The following PRR16 variants were observed in gnomAD, a reference collection of about 807,000 sequenced individuals.
PRR16 encodes protein Largen.
A neutral mutation model predicts 18.2 loss-of-function variants in PRR16; 6 were observed. The observed-to-expected ratio is 0.33, with a 90% CI of 0.18 to 0.65. PRR16 has a LOEUF of 0.65. Ranked by LOEUF, PRR16 falls within the 30% of genes least tolerant of loss-of-function variation. PRR16 has a pLI of 0.74. For missense variants in PRR16, 412 were observed against 376.6 expected (o/e 1.09, Z -0.78); for synonymous variants, 151 against 147.8 (o/e 1.02, Z -0.16).
intron 1 of PRR16, among the ~76,000 whole-genome samples, chr5:120,621,251 T>C (rs1754680320): frequency 1.3e-5 from 2 of 152,128 alleles, no homozygotes. Context: ...TTTTGAAATA[T>C]AAAGGGATTC....
rs528516274 is a variant in PRR16 at position 120,624,906 on chromosome 5, G to A, written c.160-61048G>A. On this transcript the variant is annotated intron_variant, in intron 1 of 1. Transcript: ENST00000407149. The stretch of plus-strand genomic sequence containing the variant: ...ATGAATAAGTCTCATGAGATCTGAT[G>A]GTTTTAAAAAGGAGAGGTTCCCTGC... Among the ~76,000 whole-genome samples, 180 of 152,128 alleles carry A rather than the reference G, an allele frequency of 1.2e-3. 3 individuals carry two copies. Among genetic ancestry groups the A allele is most frequent in the Admixed American group, 4.5e-3 (68 of 15,266 alleles).
chr5:120,785,063 A>G, the PRR16 span, among the ~76,000 whole-genome samples: 1 of 152,234 alleles, frequency 6.6e-6, no homozygotes, highest in African/African-American at 2.4e-5. Context: ...AACATCCAGT[A>G]GTTGTAGGCT....
At chr5:120,695,732 C>T in the PRR16 span, among the ~76,000 whole-genome samples, 6 of 152,096 alleles carry the variant, frequency 3.9e-5, no homozygotes, top group Non-Finnish European at 8.8e-5. Context: ...CCCAATCTAG[C>T]GACCCCAATA....
the PRR16 span, among the ~76,000 whole-genome samples, chr5:120,794,439 C>A: frequency 1.3e-5 from 2 of 152,178 alleles, no homozygotes; most frequent in East Asian, 3.9e-4. Context: ...CAAGCATATG[C>A]ATCATTAGTA....
chr5:120,635,266 T>C (rs1406762441), intron 1 of PRR16, among the ~76,000 whole-genome samples: 2 of 152,130 alleles, frequency 1.3e-5, no homozygotes, highest in Admixed American at 6.5e-5. Context: ...AATCATTTTA[T>C]GAAGCCAATA....
chr5:120,698,064 A>G, the PRR16 span, among the ~76,000 whole-genome samples: 1 of 152,148 alleles, frequency 6.6e-6, no homozygotes, highest in Non-Finnish European at 1.5e-5. Context: ...AATAAGAAAA[A>G]TAAAACAAAA....
intron 1 of PRR16, among the ~76,000 whole-genome samples, chr5:120,520,901 C>CT (rs552236332): frequency 4.5e-4 from 66 of 145,754 alleles, no homozygotes; most frequent in Admixed American, 1.4e-3. Context: ...GGAAACATTA[C>CT]TTTTTTTTTT....
chr5:120,472,867 C>T (rs750587322), intron 1 of PRR16, among the ~76,000 whole-genome samples: 2 of 152,006 alleles, frequency 1.3e-5, no homozygotes, highest in Non-Finnish European at 2.9e-5. Context: ...TTCATTTTGT[C>T]GTTTCTTATG....
chr5:120,696,642 A>C, the PRR16 span, among the ~76,000 whole-genome samples: 11 of 152,220 alleles, frequency 7.2e-5, no homozygotes, highest in Non-Finnish European at 1.5e-4. Flanking sequence ...TTCTCTAGAG[A>C]AGATGGACTG....
At chr5:120,772,966 C>T in the PRR16 span, among the ~76,000 whole-genome samples, 3 of 152,026 alleles carry the variant, frequency 2.0e-5, no homozygotes, top group Admixed American at 6.6e-5. Context: ...ATCTTTGTAC[C>T]TCTTTCACCC....
chr5:120,680,235 C>T (rs1269669287), intron 1 of PRR16, among the ~76,000 whole-genome samples: 1 of 152,092 alleles, frequency 6.6e-6, no homozygotes, highest in Admixed American at 6.5e-5. Context: ...CTGTCTCCTT[C>T]TCTGAATTTG....
intron 1 of PRR16, among the ~76,000 whole-genome samples, chr5:120,569,739 G>A (rs1017681126): frequency 2.0e-5 from 3 of 152,120 alleles, no homozygotes. Context: ...GAATAAAGCT[G>A]GGATTTGAAG....
intron 1 of PRR16, among the ~76,000 whole-genome samples, chr5:120,631,358 A>G (rs964207753): frequency 6.6e-6 from 1 of 152,126 alleles, no homozygotes; most frequent in African/African-American, 2.4e-5. Context: ...GAAGGACTGG[A>G]TCACCACTGC....
intron 1 of PRR16, among the ~76,000 whole-genome samples, chr5:120,513,017 C>T (rs931751996): frequency 6.6e-6 from 1 of 152,070 alleles, no homozygotes; most frequent in African/African-American, 2.4e-5. Flanking sequence ...ATGGTCACTC[C>T]GGAACTGTCA....
the PRR16 span, among the ~76,000 whole-genome samples, chr5:120,746,543 T>C: frequency 6.6e-6 from 1 of 152,180 alleles, no homozygotes; most frequent in Admixed American, 6.5e-5. Context: ...TCAGTGTTTA[T>C]CTTTTACGAA....
At chr5:120,698,275 G>T in the PRR16 span, among the ~76,000 whole-genome samples, 22,239 of 151,860 alleles carry the variant, frequency 0.15, 1,778 homozygotes, top group African/African-American at 0.18. Flanking sequence ...CATGTAGAAT[G>T]ATTGGTGATG....
chr5:120,517,315 T>G (rs771686439), intron 1 of PRR16, among the ~76,000 whole-genome samples: 1 of 152,182 alleles, frequency 6.6e-6, no homozygotes, highest in Non-Finnish European at 1.5e-5. Context: ...AACATTACAC[T>G]TGAAGCAGAA....
the PRR16 span, among the ~76,000 whole-genome samples, chr5:120,772,402 T>C: frequency 6.6e-6 from 1 of 152,102 alleles, no homozygotes; most frequent in African/African-American, 2.4e-5. Flanking sequence ...GTATATACAA[T>C]AGTACCTGAC....
At chr5:120,654,591 G>A (rs948871925) in intron 1 of PRR16, among the ~76,000 whole-genome samples, 1 of 151,770 alleles carries the variant, frequency 6.6e-6, no homozygotes, top group Non-Finnish European at 1.5e-5. Flanking sequence ...ATTGATTCAG[G>A]AGGGGAAAAA....
Sources: allele counts gnomAD v4.1 joint callset (sites outside exome capture counted in the v4.1 genomes callset), GRCh38; gene constraint gnomAD v4.1.1; transcripts MANE v1.5; gene names NCBI Gene and HGNC (gene_info 2026-07-23, HGNC 2026-07-21).